Variants in SLC35F2 observed in about 807,000 individuals in gnomAD.
The protein encoded by SLC35F2 is queuine/queuosine transporter SLC35F2.
SLC35F2 carries 25 observed loss-of-function variants against 38.1 expected under a neutral mutation model. The observed-to-expected ratio is 0.66, with a 90% CI of 0.48 to 0.92. The LOEUF is 0.92. Among genes scored for constraint, SLC35F2 ranks in the 40% least tolerant of loss-of-function variants. The probability of loss-of-function intolerance (pLI) is 0.00; values close to 1 mark genes in which losing one functional copy is unlikely to be tolerated. For missense variants in SLC35F2, 409 were observed against 452.9 expected, an observed-to-expected ratio of 0.90 and a Z score of 0.88; for synonymous variants, 173 against 181.7, an observed-to-expected ratio of 0.95 and a Z score of 0.38.
intron 1 of SLC35F2, among the ~76,000 whole-genome samples, chr11:107,819,400 T>A (rs116979073): frequency 0.015 from 2,269 of 152,222 alleles, 36 homozygotes; most frequent in Non-Finnish European, 0.02. Flanking sequence ...GGAGGAAATT[T>A]TCACCAAGAT....
chr11:107,816,405 C>A, intron 1 of SLC35F2: 2 of 440,380 alleles, frequency 4.5e-6, no homozygotes, highest in South Asian at 9.7e-5. Flanking sequence ...CTTCAGCCTC[C>A]AAATAACTGG....
intron 1 of SLC35F2, among the ~76,000 whole-genome samples, chr11:107,842,266 A>AT (rs1860024614): frequency 6.8e-6 from 1 of 147,626 alleles, no homozygotes; most frequent in Non-Finnish European, 1.5e-5. Context: ...ACAAAAAAAA[A>AT]AAAAAAAAAA....
chr11:107,845,076 G>A (rs1365877628), intron 1 of SLC35F2, among the ~76,000 whole-genome samples: 1 of 151,798 alleles, frequency 6.6e-6, no homozygotes, highest in African/African-American at 2.4e-5. Context: ...CTCAACAAAT[G>A]TTATTATTAT....
intron 1 of SLC35F2, among the ~76,000 whole-genome samples, chr11:107,826,750 T>C (rs1464874073): frequency 6.6e-6 from 1 of 152,172 alleles, no homozygotes; most frequent in Non-Finnish European, 1.5e-5. Context: ...GTTTTAAAAA[T>C]TGGTAGCAAA....
chr11:107,838,833 T>C (rs1482261646), intron 1 of SLC35F2, among the ~76,000 whole-genome samples: 3 of 151,448 alleles, frequency 2.0e-5, no homozygotes, highest in South Asian at 2.1e-4. Context: ...TTCGCCATAT[T>C]GCCCAAGCTG....
At chr11:107,813,451 C>A (rs1321628090) in intron 2 of SLC35F2, among the ~76,000 whole-genome samples, 21 of 151,896 alleles carry the variant, frequency 1.4e-4, no homozygotes, top group Admixed American at 1.4e-3. Context: ...GCAACAAGAG[C>A]GAAACTCCGT....
chr11:107,800,680 T>A (rs1565427501), intron 7 of SLC35F2, among the ~76,000 whole-genome samples: 1 of 152,236 alleles, frequency 6.6e-6, no homozygotes, highest in East Asian at 1.9e-4. Flanking sequence ...TGGCCCCAAG[T>A]GATCCTCCCA....
At position 107,852,094 on chromosome 11, in the gene SLC35F2, T is replaced by A. The variant is rs144184952; in HGVS notation, c.110+6564A>T. ...AATGAAAGGAGAAAGCACAGGTGTATCCCAGACCTGTTGCTAGACAATAAC... is the reference window on the plus strand; with the variant it reads ...AATGAAAGGAGAAAGCACAGGTGTAACCCAGACCTGTTGCTAGACAATAAC... On this transcript the variant is annotated intron_variant, in intron 1 of 7. Transcript: ENST00000525815. Among the ~76,000 whole-genome samples, 194 of 152,224 alleles carry A rather than the reference T, an allele frequency of 1.3e-3. 2 individuals carry two copies. In the South Asian group the frequency reaches 0.015, roughly 12 times the overall value.
chr11:107,858,071 T>C (rs903852982), intron 1 of SLC35F2, among the ~76,000 whole-genome samples: 5 of 152,162 alleles, frequency 3.3e-5, no homozygotes, highest in Admixed American at 6.5e-5. Flanking sequence ...CAGAGCATAG[T>C]GATACCACAA....
At chr11:107,830,582 T>TAAA (rs1859823485) in intron 1 of SLC35F2, among the ~76,000 whole-genome samples, 2 of 49,620 alleles carry the variant, frequency 4.0e-5, no homozygotes, top group African/African-American at 1.8e-4. Context: ...AGACTCAGTC[T>TAAA]CAAAAAAAAA....
At chr11:107,793,538 A>T (rs1859166773) in intron 7 of SLC35F2, among the ~76,000 whole-genome samples, 1 of 152,202 alleles carries the variant, frequency 6.6e-6, no homozygotes, top group Non-Finnish European at 1.5e-5. Flanking sequence ...GAAGTACAGA[A>T]GGGGCATCTG....
chr11:107,812,733 A>G (rs1859501834), intron 2 of SLC35F2, among the ~76,000 whole-genome samples: 1 of 152,184 alleles, frequency 6.6e-6, no homozygotes, highest in South Asian at 2.1e-4. Context: ...ACAGAAACAA[A>G]ATTTCTGGAT....
intron 1 of SLC35F2, among the ~76,000 whole-genome samples, chr11:107,853,233 G>T (rs1488490596): frequency 6.6e-6 from 1 of 152,078 alleles, no homozygotes. Flanking sequence ...ATCTCACCCT[G>T]GTAGACTTGG....
At chr11:107,837,778 C>T (rs1859954525) in intron 1 of SLC35F2, among the ~76,000 whole-genome samples, 1 of 152,004 alleles carries the variant, frequency 6.6e-6, no homozygotes, top group East Asian at 1.9e-4. Context: ...CCTCTAAATT[C>T]CTATGACATT....
chr11:107,843,333 C>T (rs1394505773), intron 1 of SLC35F2, among the ~76,000 whole-genome samples: 1 of 151,926 alleles, frequency 6.6e-6, no homozygotes, highest in African/African-American at 2.4e-5. Context: ...TTTGGGAGGC[C>T]GAAGTGGGCA....
intron 1 of SLC35F2, among the ~76,000 whole-genome samples, chr11:107,828,380 A>G (rs11212394): frequency 0.057 from 8,642 of 150,632 alleles, 509 homozygotes; most frequent in African/African-American, 0.15. Flanking sequence ...GTTGCAGTGA[A>G]CTGAGATCGC....
chr11:107,846,327 AATG>A (rs1287136149), intron 1 of SLC35F2, among the ~76,000 whole-genome samples: 1 of 152,234 alleles, frequency 6.6e-6, no homozygotes, highest in Non-Finnish European at 1.5e-5. Context: ...GAAAAAAGTG[AATG>A]ATGATGATCC....
intron 1 of SLC35F2, among the ~76,000 whole-genome samples, chr11:107,824,618 C>A (rs1859725497): frequency 6.6e-6 from 1 of 152,216 alleles, no homozygotes. Flanking sequence ...ATCCAAAGAT[C>A]TAACTCTACT....
chr11:107,801,675 G>A (rs1859313091), intron 7 of SLC35F2, among the ~76,000 whole-genome samples: 1 of 151,198 alleles, frequency 6.6e-6, no homozygotes, highest in Non-Finnish European at 1.5e-5. Flanking sequence ...GCTGCCCTAG[G>A]AATTTTCAAA....
Sources: gnomAD v4.1 joint callset for allele counts (sites outside exome capture counted in the v4.1 genomes callset) on GRCh38, gnomAD v4.1.1 for gene constraint, MANE v1.5 for transcripts, NCBI Gene and HGNC (gene_info 2026-07-23, HGNC 2026-07-21) for gene names.